Variants in AXL observed in about 807,000 individuals in gnomAD.
AXL encodes tyrosine-protein kinase receptor UFO.
A neutral mutation model predicts 104.5 loss-of-function variants in AXL; 52 were observed. That is an observed-to-expected ratio of 0.50 (90% CI 0.40 to 0.63). AXL has a LOEUF of 0.63. AXL is among the 20% of genes least tolerant of loss of function. The pLI, the probability that AXL is intolerant of heterozygous loss-of-function variation, is 0.00. For synonymous variants in AXL, 455 were observed against 473.7 expected (o/e 0.96, Z 0.51); for missense variants, 1,024 against 1,188.5 (o/e 0.86, Z 2.04).
intron 12 of AXL, among the ~76,000 whole-genome samples, chr19:41,245,443 G>C (rs1048925442): frequency 6.6e-6 from 1 of 152,168 alleles, no homozygotes; most frequent in Non-Finnish European, 1.5e-5. Context: ...TGTTCTTTCG[G>C]CTGGGTGCAG....
chr19:41,242,788 G>T, intron 10 of AXL, 95 bp from the exon 11 acceptor site: 1 of 1,512,496 alleles, frequency 6.6e-7, no homozygotes, highest in South Asian at 1.2e-5. Flanking sequence ...CATCTTTGCC[G>T]AGGCCTTCTG....
At chr19:41,239,772 G>T in intron 10 of AXL, 52 bp downstream of exon 10, 4 of 1,603,298 alleles carry the variant, frequency 2.5e-6, no homozygotes, top group Non-Finnish European at 3.4e-6. Context: ...ACACCTAGTG[G>T]GGGCACTGTC....
intron 6 of AXL, among the ~76,000 whole-genome samples, chr19:41,236,756 G>A (rs1227036417): frequency 4.8e-5 from 7 of 147,354 alleles, no homozygotes; most frequent in African/African-American, 1.8e-4. Flanking sequence ...TAGCCTGGGC[G>A]ACAGAGCAAG....
chr19:41,238,344 C>T (rs2034118780), intron 7 of AXL, 126 bp from the exon 8 acceptor site: 2 of 1,507,210 alleles, frequency 1.3e-6, no homozygotes. Flanking sequence ...TGTGCTTCCT[C>T]TCATGGGAGG....
At chr19:41,249,784 C>T (rs1384125147) in intron 14 of AXL, among the ~76,000 whole-genome samples, 2 of 151,804 alleles carry the variant, frequency 1.3e-5, no homozygotes, top group Non-Finnish European at 2.9e-5. Context: ...AACACACACA[C>T]GCACACATGG....
chr19:41,221,029 A>G, intron 2 of AXL, 117 bp from the exon 3 acceptor site: 1 of 1,167,420 alleles, frequency 8.6e-7, no homozygotes, highest in Non-Finnish European at 1.2e-6. Flanking sequence ...ATAATAGGAC[A>G]TACTTCGTGG....
In AXL at chr19:41,243,154, C is replaced by T. The variant is rs1314802208; in HGVS notation, c.1445+139C>T. On this transcript the variant is annotated intron_variant, in intron 11 of 19. Coordinates refer to ENST00000301178, the MANE Select transcript of AXL (RefSeq NM_021913.5). ...GCAAGGGAAGCCAGGCGTGGTGGCT[C>T]ACGCCTGTAATCCCAGCACTTTGGG... 5 of 1,278,334 alleles carry T rather than the reference C, an allele frequency of 3.9e-6. No homozygotes were observed. The East Asian group carries it at 7.5e-5, about 19-fold the overall frequency. 79.2% of individuals were successfully genotyped at this position (1,278,334 alleles called of 1,614,324 possible). A position where few individuals can be genotyped will look rare whatever the true frequency, so the allele number is the denominator to read the frequency against.
intron 4 of AXL, among the ~76,000 whole-genome samples, chr19:41,226,556 C>CCGCTGA (rs2033885649): frequency 6.6e-6 from 1 of 152,220 alleles, no homozygotes; most frequent in Admixed American, 6.5e-5. Flanking sequence ...TCCACTCCCT[C>CCGCTGA]CGCTGACGGA....
intron 6 of AXL, among the ~76,000 whole-genome samples, chr19:41,231,797 C>T (rs886073681): frequency 6.6e-6 from 1 of 151,702 alleles, no homozygotes; most frequent in African/African-American, 2.4e-5. Flanking sequence ...CCTGGTGGGA[C>T]GCACTTGTAG....
chr19:41,221,834 G>A (rs1441812623), intron 3 of AXL, 46 bp from the exon 4 acceptor site: 1 of 1,591,322 alleles, frequency 6.3e-7, no homozygotes, highest in African/African-American at 1.3e-5. Flanking sequence ...CAGGCATCTT[G>A]GGGCCTCAGA....
chr19:41,257,651 C>G (rs562892060), intron 19 of AXL, 22 bp downstream of exon 19: 9 of 1,613,824 alleles, frequency 5.6e-6, no homozygotes, highest in Non-Finnish European at 7.6e-6. Context: ...TAGGTCTCCC[C>G]CAACCCAGAA....
chr19:41,245,526 C>T (rs1320954194), intron 12 of AXL, among the ~76,000 whole-genome samples: 3 of 151,998 alleles, frequency 2.0e-5, no homozygotes, highest in Non-Finnish European at 4.4e-5. Context: ...AGTTCGAGAC[C>T]AGCCTGGCCA....
intron 6 of AXL, 113 bp downstream of exon 6, chr19:41,231,411 T>C: frequency 2.0e-6 from 2 of 987,918 alleles, no homozygotes; most frequent in Non-Finnish European, 3.0e-6. Context: ...TGAGAAGCAG[T>C]AGAGCCTGGG....
rs557801069 is a variant in AXL, at chr19:41,231,674, C to A, written c.783+376C>A. Among the ~76,000 whole-genome samples, 229 of 152,240 alleles carry A rather than the reference C, an allele frequency of 1.5e-3. 1 individual carries two copies. Among genetic ancestry groups the A allele is most frequent in the African/African-American group, 5.3e-3 (220 of 41,540 alleles). On this transcript the variant is annotated intron_variant, in intron 6 of 19. Coordinates refer to ENST00000301178, the MANE Select transcript of AXL (RefSeq NM_021913.5). Reference sequence around the variant, plus strand: ...AGGCGCGGTGGCTCACACCTGTAATCCCAGCACTTTGGGAGGCCGAGGTGG... The same window carrying A: ...AGGCGCGGTGGCTCACACCTGTAATACCAGCACTTTGGGAGGCCGAGGTGG...
intron 11 of AXL, 40 bp downstream of exon 11, chr19:41,243,055 T>C: frequency 1.9e-6 from 3 of 1,613,118 alleles, no homozygotes; most frequent in Non-Finnish European, 2.5e-6. Context: ...TGGCCTGGGA[T>C]GGAGAGGCTG....
rs750167315 is a variant in AXL at position 41,242,994 on chromosome 19, G to A, written c.1424G>A (p.Arg475Gln). ...LILALFLVHR[R>Q]KKETRYGEVF... ...TTGGCTCTCTTCCTTGTCCACCGGC[G>A]AAAGAAGGAGACCCGTTATGGGTGA... Residue 475 changes from arginine (R) to glutamine (Q), a missense_variant, in exon 11 of 20, where the codon CGA becomes CAA. Physicochemically the swap from Arg to Gln is conservative, Grantham distance 43. Coordinates refer to ENST00000301178, the MANE Select transcript of AXL (RefSeq NM_021913.5). 5.6e-6 allele frequency: 9 copies of A among 1,614,186 alleles called. No individual in the cohort carries two copies. Among genetic ancestry groups the A allele is most frequent in the Non-Finnish European group, 6.8e-6 (8 of 1,180,040 alleles).
rs1462937926 is a variant in AXL, at chr19:41,238,414, G to T, written c.995-56G>T. The T allele has an allele frequency of 4.4e-6, 7 of 1,587,230 alleles. No homozygotes were observed. The Admixed American group carries it at 5.1e-5, about 12-fold the overall frequency. ...CCCTGCACCCACTTCCTGGGAACAG[G>T]GGAGGGGGTCAGGAAGAGGTGGGGG... On this transcript the variant is annotated intron_variant, in intron 7 of 19. Coordinates refer to ENST00000301178, the MANE Select transcript of AXL (RefSeq NM_021913.5).
intron 6 of AXL, among the ~76,000 whole-genome samples, chr19:41,236,353 T>G (rs1356449691): frequency 1.9e-5 from 2 of 105,212 alleles, no homozygotes; most frequent in South Asian, 3.3e-4. Flanking sequence ...AAAAAAAAAA[T>G]TAGTCAAGCA....
At chr19:41,223,098 C>T (rs1366796562) in intron 4 of AXL, among the ~76,000 whole-genome samples, 4 of 151,696 alleles carry the variant, frequency 2.6e-5, no homozygotes, top group Admixed American at 2.0e-4. Flanking sequence ...AGTTCGAGAC[C>T]AGCCTGGCCA....
Sources: allele counts gnomAD v4.1 joint callset (sites outside exome capture counted in the v4.1 genomes callset), GRCh38; gene constraint gnomAD v4.1.1; transcripts MANE v1.5; gene names NCBI Gene and HGNC (gene_info 2026-07-23, HGNC 2026-07-21).